The following OSBPL9 variants were observed in gnomAD, a reference collection of about 807,000 sequenced individuals.
OSBPL9 encodes the protein oxysterol binding protein like 9.
In OSBPL9, 40 loss-of-function variants were observed where a neutral mutation model predicts 106.6. The observed-to-expected ratio is 0.38, with a 90% CI of 0.29 to 0.49. The LOEUF (loss-of-function observed/expected upper bound fraction) is 0.49, where lower values mean the gene tolerates loss of function less well. Among genes scored for constraint, OSBPL9 ranks in the 20% least tolerant of loss-of-function variants. The pLI is 0.97. For missense variants in OSBPL9, 609 were observed against 887.2 expected (o/e 0.69, Z 3.98); for synonymous variants, 269 against 295.4 (o/e 0.91, Z 0.92).
chr1:51,524,992 A>G, the OSBPL9 span, among the ~76,000 whole-genome samples: 4 of 152,226 alleles, frequency 2.6e-5, no homozygotes, highest in African/African-American at 9.6e-5. Flanking sequence ...GCCCTAAATC[A>G]CAAGGCAAGT....
At chr1:51,784,375 T>G (rs767085786) in intron 19 of OSBPL9, 48 bp downstream of exon 19, 1 of 1,610,654 alleles carries the variant, frequency 6.2e-7, no homozygotes, top group East Asian at 2.2e-5. Context: ...TGCTGTTCCT[T>G]GAGACATGCC....
intron 16 of OSBPL9, 114 bp from the exon 17 acceptor site, chr1:51,782,445 T>C (rs971294272): frequency 1.0e-5 from 7 of 676,872 alleles, no homozygotes; most frequent in Admixed American, 5.7e-5. Flanking sequence ...AATAGAAATA[T>C]ATATATAGGG....
In OSBPL9 at chr1:51,684,932, A is replaced by G. The variant is rs11578201; in HGVS notation, c.241+15420A>G. Among the ~76,000 whole-genome samples the G allele has an allele frequency of 3.7e-3, 494 of 133,210 alleles. 3 individuals carry two copies. Among genetic ancestry groups the G allele is most frequent in the Non-Finnish European group, 5.3e-3 (332 of 62,632 alleles). The allele number at this position is 133,210 out of a possible 152,430, so 87.4% of individuals were successfully genotyped here. On this transcript the variant is annotated intron_variant, in intron 3 of 23. Transcript: ENST00000428468. Reference sequence around the variant, plus strand: ...CTTCTTCTTTTTTTTTTTTTTTTGCAAGAGAATCTAGCTCTGTCACCCAGG... The same window carrying G: ...CTTCTTCTTTTTTTTTTTTTTTTGCGAGAGAATCTAGCTCTGTCACCCAGG...
At chr1:51,688,455 G>A (rs1270152526) in intron 3 of OSBPL9, among the ~76,000 whole-genome samples, 1 of 136,416 alleles carries the variant, frequency 7.3e-6, no homozygotes, top group African/African-American at 3.3e-5. Flanking sequence ...AAAGAGGCGA[G>A]ATCCTTTTGA....
intron 1 of OSBPL9, among the ~76,000 whole-genome samples, chr1:51,589,994 C>T (rs1645265730): frequency 7.1e-6 from 1 of 141,198 alleles, no homozygotes; most frequent in Admixed American, 7.4e-5. Flanking sequence ...GGTTGCGCCC[C>T]TGCACTCCAG....
chr1:51,704,087 C>G (rs922504511), intron 3 of OSBPL9, among the ~76,000 whole-genome samples: 9 of 152,300 alleles, frequency 5.9e-5, no homozygotes, highest in African/African-American at 2.2e-4. Flanking sequence ...GGATATTGGT[C>G]TAAAATTCTC....
At chr1:51,635,225 GTTA>G (rs1271576394) in intron 1 of OSBPL9, among the ~76,000 whole-genome samples, 1 of 152,154 alleles carries the variant, frequency 6.6e-6, no homozygotes, top group Non-Finnish European at 1.5e-5. Flanking sequence ...GAGAGGCTGA[GTTA>G]GGAAGATCCC....
the OSBPL9 span, among the ~76,000 whole-genome samples, chr1:51,522,847 A>G: frequency 6.6e-6 from 1 of 152,172 alleles, no homozygotes; most frequent in Non-Finnish European, 1.5e-5. Context: ...CCTGGAATAG[A>G]TGTTCAATAA....
chr1:51,612,835 A>C (rs79918181), upstream of OSBPL9, among the ~76,000 whole-genome samples: 1,871 of 152,358 alleles, frequency 0.012, 40 homozygotes, highest in African/African-American at 0.044. Flanking sequence ...ATAAACAATG[A>C]AGATATAGCT....
chr1:51,741,332 C>T (rs1435128033), intron 4 of OSBPL9, among the ~76,000 whole-genome samples: 1 of 151,918 alleles, frequency 6.6e-6, no homozygotes, highest in Non-Finnish European at 1.5e-5. Flanking sequence ...ATGTGTTATT[C>T]TTCTTGACTT....
Position 51,787,464 on chromosome 1 carries a change from G to T in OSBPL9, c.2112G>T (p.Glu704Asp). ...RQRAEARERKEKEIQWETRLF... is the reference protein window; with the variant it reads ...RQRAEARERKDKEIQWETRLF... The stretch of plus-strand genomic sequence containing the variant: ...GAGCAGAAGCCCGAGAAAGGAAGGA[G>T]AAGGAAATTCAGTGGGAGACAAGGG... The change falls in exon 23 of 24, where the codon GAG (glutamate) becomes GAT (aspartate). Residue 704 changes from glutamate (E) to aspartate (D), a missense_variant. Around this residue, in one of 5 missense-constraint regions of OSBPL9, gnomAD observed 132 missense variants for 158.1 expected, o/e 0.83. Transcript: ENST00000428468. The T allele has an allele frequency of 1.9e-6, 3 of 1,614,024 alleles. No individual in the cohort carries two copies. The highest frequency in any genetic ancestry group is 2.5e-6 in the Non-Finnish European group (3 of 1,179,892).
intron 4 of OSBPL9, chr1:51,740,342 A>G: frequency 6.1e-6 from 7 of 1,151,752 alleles, no homozygotes; most frequent in Non-Finnish European, 8.0e-6. Flanking sequence ...AATCAAAATT[A>G]CATTCCTGCT....
chr1:51,613,260 C>T (rs1013211099), upstream of OSBPL9, among the ~76,000 whole-genome samples: 2 of 152,122 alleles, frequency 1.3e-5, no homozygotes, highest in Non-Finnish European at 2.9e-5. Flanking sequence ...TTTCAAGATC[C>T]CCACAGTTTG....
intron 3 of OSBPL9, among the ~76,000 whole-genome samples, chr1:51,713,497 A>T (rs1660492159): frequency 6.6e-6 from 1 of 152,178 alleles, no homozygotes; most frequent in Admixed American, 6.5e-5. Flanking sequence ...TCACAGCAAA[A>T]TTGAACAGAA....
chr1:51,548,166 A>G, the OSBPL9 span, among the ~76,000 whole-genome samples: 1 of 152,192 alleles, frequency 6.6e-6, no homozygotes, highest in African/African-American at 2.4e-5. Flanking sequence ...CTGGAAAGAA[A>G]CACAAAAAAT....
the OSBPL9 span, among the ~76,000 whole-genome samples, chr1:51,571,263 G>A: frequency 6.6e-6 from 1 of 152,224 alleles, no homozygotes; most frequent in Non-Finnish European, 1.5e-5. Flanking sequence ...AAATTACACA[G>A]AAGAATCACA....
chr1:51,734,719 T>A (rs1266324059), intron 4 of OSBPL9, among the ~76,000 whole-genome samples: 1 of 152,172 alleles, frequency 6.6e-6, no homozygotes, highest in Non-Finnish European at 1.5e-5. Flanking sequence ...CATGGCCACA[T>A]AGCTAGAGAG....
chr1:51,745,694 G>T (rs926791518), intron 5 of OSBPL9, 63 bp downstream of exon 5: 19 of 1,410,320 alleles, frequency 1.3e-5, no homozygotes, highest in Middle Eastern at 2.6e-4. Context: ...CTTGATTTTT[G>T]AGTAAAAACA....
chr1:51,575,690 G>A (rs1006253887), upstream of OSBPL9, among the ~76,000 whole-genome samples: 1 of 152,036 alleles, frequency 6.6e-6, no homozygotes, highest in African/African-American at 2.4e-5. Flanking sequence ...TAAGAACATG[G>A]CACTCCAAAA....
Sources: allele counts gnomAD v4.1 joint callset (sites outside exome capture counted in the v4.1 genomes callset), GRCh38; gene constraint gnomAD v4.1.1; regional missense constraint gnomAD v4.1.1; transcripts MANE v1.5; gene names NCBI Gene and HGNC (gene_info 2026-07-23, HGNC 2026-07-21).